The following INTS2 variants were observed in gnomAD, a reference collection of about 807,000 sequenced individuals.
The protein encoded by INTS2 is integrator complex subunit 2.
In INTS2, 57 loss-of-function variants were observed where a neutral mutation model predicts 139.6. The observed-to-expected ratio is 0.41, with a 90% CI of 0.33 to 0.51. INTS2 has a LOEUF of 0.51. Among genes scored for constraint, INTS2 ranks in the 20% least tolerant of loss-of-function variants. The pLI is 0.28. For missense variants in INTS2, 1,196 were observed against 1,436.7 expected, an observed-to-expected ratio of 0.83 and a Z score of 2.71; for synonymous variants, 473 against 493.4, an observed-to-expected ratio of 0.96 and a Z score of 0.55.
rs1419602788 is a variant in INTS2, at chr17:61,927,884, G to C, written c.-249C>G. The C allele has an allele frequency of 1.2e-6, 2 of 1,611,426 alleles. No homozygotes were observed. Among genetic ancestry groups the C allele is most frequent in the Non-Finnish European group, 1.7e-6 (2 of 1,179,822 alleles). ...GGGGGCACCACACAAAGGCAGAACC[G>C]GGACTGTAGGAACGGAAAAGCGGGA... On this transcript the variant is annotated 5_prime_UTR_variant, in exon 1 of 25. Transcript: ENST00000251334.
intron 9 of INTS2, among the ~76,000 whole-genome samples, chr17:61,902,226 T>C (rs1473934558): frequency 6.6e-6 from 1 of 152,218 alleles, no homozygotes; most frequent in Non-Finnish European, 1.5e-5. Flanking sequence ...TTTTTGACTA[T>C]TGTCCTAGGC....
In INTS2 at chr17:61,871,354, T is replaced by C. The variant is rs1048776723; in HGVS notation, c.2778+911A>G. 6.6e-6 allele frequency among the ~76,000 whole-genome samples: 1 copy of C among 152,102 alleles called. No homozygotes were observed. The highest frequency in any genetic ancestry group is 2.4e-5 in the African/African-American group (1 of 41,426). ...CAGGCTGGTCTCAAAACTCCTGAAC[T>C]CAGGTGATCCACCCACCTCAGCCAC... On this transcript the variant is annotated intron_variant, in intron 20 of 24. Coordinates refer to ENST00000251334, the MANE Select transcript of INTS2 (RefSeq NM_001351695.2). The surrounding 1 kb of genome is among the most constrained non-coding windows in gnomAD (Gnocchi z 4.9).
In INTS2 at chr17:61,867,833, G is replaced by A. The variant is rs376415362; in HGVS notation, c.3421C>T (p.Arg1141Cys). 1.8e-4 allele frequency: 283 copies of A among 1,584,082 alleles called. No individual in the cohort carries two copies. The highest frequency in any genetic ancestry group is 5.4e-4 in the East Asian group (24 of 44,662). Residue 1141 changes from arginine (R) to cysteine (C), a missense_variant and splice_region_variant, in exon 24 of 25, where the codon CGT becomes TGT. Physicochemically the swap from Arg to Cys is radical, Grantham distance 180. Transcript: ENST00000251334. This position sits in a 1 kb window ranked among gnomAD's most constrained non-coding sequence, Gnocchi z 5.6. Reference protein sequence around the residue: ...QTRDIDPIITRLQQIKEKPSG... With the variant: ...QTRDIDPIITCLQQIKEKPSG... ...CCCTTGAAAATAAGTTACCACTTAC[G>A]TGTAATAATTGGATCAATGTCTCTT...
chr17:61,874,849 T>C (rs1276902582), intron 19 of INTS2, 64 bp downstream of exon 19: 2 of 1,280,556 alleles, frequency 1.6e-6, no homozygotes, highest in African/African-American at 1.5e-5. Flanking sequence ...CTGAATTTCA[T>C]CAATTTCTTT....
At chr17:61,890,584 G>A (rs1225911984) in intron 14 of INTS2, among the ~76,000 whole-genome samples, 5 of 148,934 alleles carry the variant, frequency 3.4e-5, no homozygotes, top group African/African-American at 7.5e-5. Flanking sequence ...CACTCCGGTC[G>A]GGGCAACAGA....
chr17:61,926,373 G>C lies in INTS2; in HGVS notation c.272C>G (p.Ala91Gly). The C allele has an allele frequency of 1.2e-6, 2 of 1,600,826 alleles. No individual in the cohort carries two copies. Among genetic ancestry groups the C allele is most frequent in the Non-Finnish European group, 1.7e-6 (2 of 1,170,002 alleles). The change falls in exon 2 of 25, where the codon GCC becomes GGC. Residue 91 changes from alanine (A) to glycine (G), a missense_variant. Ala to Gly is a moderately conservative substitution (Grantham distance 60). Coordinates refer to ENST00000251334, the MANE Select transcript of INTS2 (RefSeq NM_001351695.2). ...SVDFHALEQD[A>G]SKEQQLRHKL... is the part of the protein sequence containing the mutation. ...TTACCTAAGCTGCTGTTCTTTGCTG[G>C]CATCTTGTTCTAAAGCATGAAAGTC...
intron 9 of INTS2, among the ~76,000 whole-genome samples, chr17:61,899,231 A>C (rs550488248): frequency 6.6e-6 from 1 of 152,048 alleles, no homozygotes; most frequent in Non-Finnish European, 1.5e-5. Flanking sequence ...TTCCTTTTTC[A>C]CTGTAGCTCT....
chr17:61,869,025 GC>G lies in INTS2; in HGVS notation c.3244+8del. On this transcript the variant is annotated splice_region_variant and intron_variant, in intron 23 of 24. Coordinates refer to ENST00000251334, the MANE Select transcript of INTS2 (RefSeq NM_001351695.2). The surrounding 1 kb of genome is among the most constrained non-coding windows in gnomAD (Gnocchi z 5.4). ...GTCAGATGTTTGTTGATGTTGATTG[GC>G]TACATACCTGTTAACAAAGTTCCCA... 1 of 1,492,076 alleles carries G rather than the reference GC, an allele frequency of 6.7e-7. No homozygotes were observed. The highest frequency in any genetic ancestry group is 9.3e-7 in the Non-Finnish European group (1 of 1,074,306). 92.4% of individuals were successfully genotyped at this position (1,492,076 alleles called of 1,614,324 possible).
chr17:61,885,654 A>G (rs2079220384), intron 15 of INTS2, among the ~76,000 whole-genome samples: 1 of 151,410 alleles, frequency 6.6e-6, no homozygotes, highest in Non-Finnish European at 1.5e-5. Flanking sequence ...TCCTGAACTC[A>G]GGGGGATCTA....
At chr17:61,907,752 T>C in intron 7 of INTS2, 118 bp from the exon 8 acceptor site, 3 of 718,798 alleles carry the variant, frequency 4.2e-6, no homozygotes, top group Admixed American at 5.4e-5. Flanking sequence ...GAAGAGATTG[T>C]CGTGACTACA....
intron 3 of INTS2, among the ~76,000 whole-genome samples, chr17:61,922,548 G>GTATATATATATATA (rs1491297129): frequency 2.0e-4 from 16 of 81,088 alleles, no homozygotes; most frequent in South Asian, 3.1e-4. Flanking sequence ...ATATATATAC[G>GTATATATATATATA]TGTTCAATTC....
At position 61,874,966 on chromosome 17, in the gene INTS2, A is replaced by G; in HGVS notation, c.2529T>C (p.Asn843=). ...KFVRQQKYTQ[N]DLMIDPLIVL... ...CAATGAGAGGATCTATCATCAGGTC[A>G]TTCTGAGTATACTTTTGTTGTCGTA... The change falls in exon 19 of 25, where the codon AAT becomes AAC. Residue 843 remains asparagine, a synonymous_variant. Coordinates refer to ENST00000251334, the MANE Select transcript of INTS2 (RefSeq NM_001351695.2). The G allele has an allele frequency of 6.3e-7, 1 of 1,598,378 alleles. No individual in the cohort carries two copies. Among genetic ancestry groups the G allele is most frequent in the Non-Finnish European group, 8.5e-7 (1 of 1,171,304 alleles).
At chr17:61,905,349 CAG>C (rs1479610585) in intron 8 of INTS2, among the ~76,000 whole-genome samples, 2 of 151,882 alleles carry the variant, frequency 1.3e-5, no homozygotes. Context: ...TTTTTTGAGA[CAG>C]AGTCTCACCC....
intron 5 of INTS2, among the ~76,000 whole-genome samples, chr17:61,917,247 AACAGAACT>A: frequency 6.6e-6 from 1 of 152,316 alleles, no homozygotes; most frequent in Non-Finnish European, 1.5e-5. Flanking sequence ...AAGAACTTAA[AACAGAACT>A]ACCATTCGAC....
chr17:61,927,287 G>A (rs1460361946), intron 1 of INTS2: 1 of 160,838 alleles, frequency 6.2e-6, no homozygotes, highest in Non-Finnish European at 1.4e-5. Flanking sequence ...AAAAGCAGAT[G>A]TGTGGGTGCT....
At chr17:61,906,708 G>A (rs912363223) in intron 8 of INTS2, among the ~76,000 whole-genome samples, 1 of 151,996 alleles carries the variant, frequency 6.6e-6, no homozygotes, top group Admixed American at 6.6e-5. Context: ...GTACTGGCCA[G>A]GCACAGTGGC....
chr17:61,914,619 C>T (rs925697135), intron 5 of INTS2, among the ~76,000 whole-genome samples: 1 of 149,068 alleles, frequency 6.7e-6, no homozygotes, highest in African/African-American at 2.5e-5. Context: ...GGGAGAATGG[C>T]GTGAACACAG....
rs1457981036 is a variant in INTS2, at chr17:61,897,985, T to G, written c.1308-246A>C. Among the ~76,000 whole-genome samples, 1 of 152,168 alleles carries G rather than the reference T, an allele frequency of 6.6e-6. No homozygotes were observed. Among genetic ancestry groups the G allele is most frequent in the Non-Finnish European group, 1.5e-5 (1 of 68,036 alleles). On this transcript the variant is annotated intron_variant, in intron 9 of 24. Coordinates refer to ENST00000251334, the MANE Select transcript of INTS2 (RefSeq NM_001351695.2). This position sits in a 1 kb window ranked among gnomAD's most constrained non-coding sequence, Gnocchi z 4.4. Reference sequence around the variant, plus strand: ...CCCTCTCAAAGTCTTAGTTACTGCCTTCACAGGTTGGAAAGAGTAAGATTC... The same window carrying G: ...CCCTCTCAAAGTCTTAGTTACTGCCGTCACAGGTTGGAAAGAGTAAGATTC...
chr17:61,912,185 A>AAATG, intron 5 of INTS2, 115 bp from the exon 6 acceptor site: 1 of 1,014,722 alleles, frequency 9.9e-7, no homozygotes, highest in Non-Finnish European at 1.5e-6. Context: ...AAATTGGCCA[A>AAATG]AATGAAGCAA....
Sources: allele counts gnomAD v4.1 joint callset (sites outside exome capture counted in the v4.1 genomes callset), GRCh38; gene constraint gnomAD v4.1.1; non-coding constraint Gnocchi (gnomAD v3.1); transcripts MANE v1.5; gene names NCBI Gene and HGNC (gene_info 2026-07-23, HGNC 2026-07-21).